PIR: variants seen among roughly 807,000 people sequenced by gnomAD.
PIR encodes pirin (iron-binding nuclear protein).
PIR carries 22 observed loss-of-function variants against 24.2 expected under a neutral mutation model. That is an observed-to-expected ratio of 0.91 (90% CI 0.65 to 1.30). The LOEUF is 1.30. Among genes scored for constraint, PIR ranks in the 50% most tolerant of loss-of-function variants. PIR has a pLI of 0.00. For missense variants in PIR, 220 were observed against 220.3 expected (o/e 1.00, Z 0.01); for synonymous variants, 80 against 79.6 (o/e 1.00, Z -0.03).
At chrX:15,410,694 T>C (rs1924716082) in intron 6 of PIR, among the ~76,000 whole-genome samples, 1 of 112,359 alleles carries the variant, frequency 8.9e-6, no homozygotes, top group Admixed American at 9.4e-5. Context: ...AGTGTGTTCA[T>C]ATATTTTTAC....
intron 1 of PIR, among the ~76,000 whole-genome samples, chrX:15,491,514 C>T (rs774097112): frequency 1.3e-4 from 14 of 111,706 alleles, no homozygotes; most frequent in African/African-American, 4.6e-4. Flanking sequence ...GTGCCCAGTA[C>T]CCCACCAATT....
At chrX:15,396,352 G>A (rs1924135280) in intron 8 of PIR, among the ~76,000 whole-genome samples, 1 of 111,587 alleles carries the variant, frequency 9.0e-6, no homozygotes, top group African/African-American at 3.3e-5. Flanking sequence ...AGAAAAGTGG[G>A]CTAAGATCTA....
At chrX:15,440,181 A>C in intron 5 of PIR, among the ~76,000 whole-genome samples, 1 of 111,597 alleles carries the variant, frequency 9.0e-6, no homozygotes, top group Non-Finnish European at 1.9e-5. Context: ...ACATCCTTCC[A>C]ATCTACCCAC....
chrX:15,398,508 G>T (rs1026028200), intron 7 of PIR, among the ~76,000 whole-genome samples: 1 of 111,093 alleles, frequency 9.0e-6, no homozygotes, highest in South Asian at 3.8e-4. Context: ...AAATCTGGGG[G>T]AAAGGGCATT....
At chrX:15,452,510 A>C (rs1920976666) in intron 5 of PIR, among the ~76,000 whole-genome samples, 1 of 111,935 alleles carries the variant, frequency 8.9e-6, no homozygotes, top group Non-Finnish European at 1.9e-5. Flanking sequence ...TGTTGCTCAT[A>C]AAAGCGACAG....
chrX:15,489,119 A>G (rs1051382092), intron 2 of PIR, among the ~76,000 whole-genome samples: 1 of 112,068 alleles, frequency 8.9e-6, no homozygotes, highest in African/African-American at 3.2e-5. Context: ...TTGAAATCAA[A>G]GTTATTTTCA....
chrX:15,479,797 G>A lies in PIR; in HGVS notation c.121C>T (p.Leu41=), dbSNP rs1922404906. The change falls in exon 3 of 10, where the codon CTG becomes TTG. Residue 41 remains leucine (L), a synonymous_variant. Coordinates refer to ENST00000380420, the MANE Select transcript of PIR (RefSeq NM_001018109.3). The stretch of plus-strand genomic sequence containing the variant: ...CTACCTCCTTTAAATTCATCAAACA[G>A]TAAAAACGGATCCAGATTTTTTAAC... ...PELKNLDPFL[L]FDEFKGGRPG... 1 of 1,162,800 alleles carries A rather than the reference G, an allele frequency of 8.6e-7. No individual in the cohort carries two copies. Among genetic ancestry groups the A allele is most frequent in the Non-Finnish European group, 1.2e-6 (1 of 859,052 alleles).
intron 5 of PIR, among the ~76,000 whole-genome samples, chrX:15,430,519 T>C (rs779958123): frequency 1.4e-4 from 16 of 111,821 alleles, no homozygotes; most frequent in Non-Finnish European, 2.8e-4. Flanking sequence ...GAAAACCTTG[T>C]CTCTCCTTCC....
chrX:15,437,371 G>A (rs751998020), intron 5 of PIR, among the ~76,000 whole-genome samples: 2 of 111,965 alleles, frequency 1.8e-5, no homozygotes, highest in Non-Finnish European at 3.8e-5. Context: ...TTCTAGATTC[G>A]TGTTGCCCTA....
At chrX:15,486,381 T>G (rs1922827418) in intron 2 of PIR, among the ~76,000 whole-genome samples, 1 of 108,041 alleles carries the variant, frequency 9.3e-6, no homozygotes, top group African/African-American at 3.4e-5. Context: ...GCCTGGAATT[T>G]TATTTACAAC....
Position 15,493,261 on chromosome X carries a change from G to T in PIR, c.-124C>A, listed in dbSNP as rs1923257221. ...GAGCCGCCGGGAGCGAGTGCAGGGAGGGCAGGTTAAGAGAGTGTGGGTCCA... is the reference window on the plus strand; with the variant it reads ...GAGCCGCCGGGAGCGAGTGCAGGGATGGCAGGTTAAGAGAGTGTGGGTCCA... On this transcript the variant is annotated 5_prime_UTR_variant, in exon 1 of 10. Transcript: ENST00000380420. 8.9e-6 allele frequency: 1 copy of T among 112,280 alleles called. No individual in the cohort carries two copies. Among genetic ancestry groups the T allele is most frequent in the Non-Finnish European group, 1.9e-5 (1 of 53,113 alleles). The allele number at this position is 112,280 out of a possible 1,213,427, so 9.3% of individuals were successfully genotyped here.
chrX:15,469,704 C>T (rs745851073), intron 3 of PIR, among the ~76,000 whole-genome samples: 7 of 111,020 alleles, frequency 6.3e-5, no homozygotes, highest in East Asian at 5.7e-4. Flanking sequence ...AAGTTATAAG[C>T]GACTGAAACA....
Position 15,479,823 on chromosome X carries a change from T to A in PIR, c.97-2A>T. 1 of 1,078,321 alleles carries A rather than the reference T, an allele frequency of 9.3e-7. No individual in the cohort carries two copies. Among genetic ancestry groups the A allele is most frequent in the Non-Finnish European group, 1.3e-6 (1 of 783,062 alleles). 88.9% of individuals were successfully genotyped at this position (1,078,321 alleles called of 1,213,427 possible). A position where few individuals can be genotyped will look rare whatever the true frequency, so the allele number is the denominator to read the frequency against. On this transcript the variant is annotated splice_acceptor_variant, in intron 2 of 9. Coordinates refer to ENST00000380420, the MANE Select transcript of PIR (RefSeq NM_001018109.3). LOFTEE classifies it high-confidence loss of function. ...TAAAAACGGATCCAGATTTTTTAAC[T>A]GAAATAAAAATAAAATTTGCAGATT...
rs762678425 is a variant in PIR, at chrX:15,491,229, G to A, written c.29C>T (p.Ser10Leu). The A allele has an allele frequency of 8.3e-7, 1 of 1,205,488 alleles. No individual in the cohort carries two copies. The highest frequency in any genetic ancestry group is 2.2e-5 in the Admixed American group (1 of 45,866). The change falls in exon 2 of 10, where the codon TCA (serine) becomes TTA (leucine). Residue 10 changes from serine (S) to leucine (L), a missense_variant. Ser to Leu is a moderately radical substitution (Grantham distance 145, BLOSUM62 -2). Coordinates refer to ENST00000380420, the MANE Select transcript of PIR (RefSeq NM_001018109.3). ...TTCCGACTGCTCCCGGCTGAGCACT[G>A]AGAGAGTAACTTTCTTGGAGGACCC... Reference protein sequence around the residue: MGSSKKVTLSVLSREQSEGV... With the variant: MGSSKKVTLLVLSREQSEGV...
At chrX:15,491,021 A>G (rs755503411) in intron 2 of PIR, 141 bp downstream of exon 2, 8 of 444,473 alleles carry the variant, frequency 1.8e-5, no homozygotes, top group East Asian at 1.1e-4. Flanking sequence ...TTTGCCCCCA[A>G]TTGCAAACTT....
intron 6 of PIR, 96 bp downstream of exon 6, chrX:15,425,810 G>T: frequency 5.7e-6 from 3 of 525,998 alleles, no homozygotes; most frequent in Non-Finnish European, 1.0e-5. Context: ...CTGAGTTTCA[G>T]AAACAAGCAC....
chrX:15,470,575 T>A (rs1314617315), intron 3 of PIR, among the ~76,000 whole-genome samples: 3 of 83,354 alleles, frequency 3.6e-5, no homozygotes, highest in Non-Finnish European at 7.3e-5. Flanking sequence ...CCCCACTCAA[T>A]TTTTCTTTCT....
intron 9 of PIR, among the ~76,000 whole-genome samples, chrX:15,387,423 T>C (rs780402429): frequency 2.7e-5 from 3 of 110,122 alleles, no homozygotes; most frequent in African/African-American, 9.9e-5. Context: ...AACATAGAAG[T>C]ACTAGAGACA....
At chrX:15,483,940 A>G (rs1164248145) in intron 2 of PIR, among the ~76,000 whole-genome samples, 1 of 112,637 alleles carries the variant, frequency 8.9e-6, no homozygotes, top group East Asian at 2.8e-4. Context: ...TTCTATTAAA[A>G]TATGGGTAAA....
Sources: allele counts gnomAD v4.1 joint callset (sites outside exome capture counted in the v4.1 genomes callset), GRCh38; gene constraint gnomAD v4.1.1; transcripts MANE v1.5; gene names NCBI Gene and HGNC (gene_info 2026-07-23, HGNC 2026-07-21).